The following PCDH11X variants were observed in gnomAD, a reference collection of about 807,000 sequenced individuals.
PCDH11X encodes the protein protocadherin-11 X-linked.
Under a neutral mutation model 53.3 loss-of-function variants are expected in PCDH11X, and 18 were observed. That is an observed-to-expected ratio of 0.34 (90% CI 0.23 to 0.50). PCDH11X has a LOEUF of 0.50. Among genes scored for constraint, PCDH11X ranks in the 20% least tolerant of loss-of-function variants. The probability of loss-of-function intolerance (pLI) is 0.98; values close to 1 mark genes in which losing one functional copy is unlikely to be tolerated. For synonymous variants in PCDH11X, 279 were observed against 393.3 expected (o/e 0.71, Z 3.44); for missense variants, 570 against 1,032.4 (o/e 0.55, Z 6.14).
intron 6 of PCDH11X, among the ~76,000 whole-genome samples, chrX:92,028,269 A>ATT (rs1461800522): frequency 3.7e-5 from 4 of 108,705 alleles, no homozygotes; most frequent in Non-Finnish European, 5.7e-5. Context: ...TGTGGGTAAT[A>ATT]TTATATACTT....
intron 10 of PCDH11X, among the ~76,000 whole-genome samples, chrX:92,611,752 C>A (rs1186160117): frequency 1.9e-5 from 2 of 103,508 alleles, no homozygotes; most frequent in Non-Finnish European, 4.0e-5. Flanking sequence ...AGGTGTGTTC[C>A]TTCAGTGACT....
chrX:92,407,761 T>G (rs1405866834), intron 9 of PCDH11X, among the ~76,000 whole-genome samples: 1 of 111,756 alleles, frequency 8.9e-6, no homozygotes, highest in Non-Finnish European at 1.9e-5. Flanking sequence ...TTTTAGATAT[T>G]GTTAAGCTGC....
intron 6 of PCDH11X, among the ~76,000 whole-genome samples, chrX:92,194,263 G>T (rs909888320): frequency 9.0e-6 from 1 of 111,621 alleles, no homozygotes; most frequent in Non-Finnish European, 1.9e-5. Context: ...ATAAGCAAAC[G>T]TAAATTATTC....
intron 7 of PCDH11X, among the ~76,000 whole-genome samples, chrX:92,236,697 T>G (rs989959692): frequency 8.9e-6 from 1 of 111,945 alleles, no homozygotes; most frequent in Admixed American, 9.5e-5. Context: ...GTGGCCATTC[T>G]TATGCATTAT....
chrX:92,398,581 T>C (rs1245453613), intron 9 of PCDH11X, among the ~76,000 whole-genome samples: 2 of 111,582 alleles, frequency 1.8e-5, no homozygotes, highest in Non-Finnish European at 3.8e-5. Flanking sequence ...GATGCAGATA[T>C]GTTTAATTCT....
intron 6 of PCDH11X, among the ~76,000 whole-genome samples, chrX:91,948,979 A>G: frequency 9.0e-6 from 1 of 110,734 alleles, no homozygotes; most frequent in Non-Finnish European, 1.9e-5. Flanking sequence ...TTCTACAAGG[A>G]TAGAGGGAAA....
At chrX:92,083,801 C>T (rs1318648243) in intron 6 of PCDH11X, among the ~76,000 whole-genome samples, 2 of 111,191 alleles carry the variant, frequency 1.8e-5, no homozygotes, top group African/African-American at 6.5e-5. Context: ...CTATAAAAAG[C>T]ATCTTAGAGC....
At chrX:92,216,057 G>A (rs1266119915) in intron 7 of PCDH11X, among the ~76,000 whole-genome samples, 18 of 109,478 alleles carry the variant, frequency 1.6e-4, no homozygotes, top group African/African-American at 2.3e-4. Context: ...CCATCTGTAT[G>A]TCACCATCAT....
chrX:92,578,604 T>C (rs1208807264), intron 10 of PCDH11X, among the ~76,000 whole-genome samples: 1 of 110,218 alleles, frequency 9.1e-6, no homozygotes, highest in Non-Finnish European at 1.9e-5. Context: ...TGCTTGGTAA[T>C]TTTTTCTCTA....
chrX:91,803,245 A>G (rs1262232807), intron 1 of PCDH11X, among the ~76,000 whole-genome samples: 9 of 111,445 alleles, frequency 8.1e-5, no homozygotes, highest in South Asian at 3.7e-4. Context: ...TATGGATTAT[A>G]GAAACATACG....
At chrX:92,107,167 C>G (rs2064403016) in intron 6 of PCDH11X, among the ~76,000 whole-genome samples, 2 of 111,159 alleles carry the variant, frequency 1.8e-5, no homozygotes, top group Admixed American at 1.9e-4. Flanking sequence ...TTGAGTTAGT[C>G]TGCCCTTCCA....
chrX:92,069,955 G>A, intron 6 of PCDH11X, among the ~76,000 whole-genome samples: 1 of 110,895 alleles, frequency 9.0e-6, no homozygotes, highest in East Asian at 2.8e-4. Context: ...GCGCTAGCCA[G>A]GATTACAGTC....
At chrX:92,136,984 CTTT>C (rs1158660216) in intron 6 of PCDH11X, among the ~76,000 whole-genome samples, 1 of 94,811 alleles carries the variant, frequency 1.1e-5, no homozygotes, top group African/African-American at 3.9e-5. Flanking sequence ...TTTCTTTTTT[CTTT>C]TTTTTTTTTT....
chrX:92,237,576 CTATTAT>C, intron 7 of PCDH11X, among the ~76,000 whole-genome samples: 1 of 111,209 alleles, frequency 9.0e-6, no homozygotes, highest in South Asian at 3.8e-4. Flanking sequence ...AATTTTCTTT[CTATTAT>C]TGTTATAGTC....
chrX:92,475,743 C>T (rs1460928788), intron 10 of PCDH11X, among the ~76,000 whole-genome samples: 2 of 111,659 alleles, frequency 1.8e-5, no homozygotes, highest in African/African-American at 3.3e-5. Flanking sequence ...TGGAAGTTCT[C>T]TTTTATTATT....
chrX:92,165,611 A>G (rs1246717477), intron 6 of PCDH11X, among the ~76,000 whole-genome samples: 1 of 111,637 alleles, frequency 9.0e-6, no homozygotes, highest in Non-Finnish European at 1.9e-5. Context: ...ACAACCCTAC[A>G]TTACTTCTGA....
intron 6 of PCDH11X, among the ~76,000 whole-genome samples, chrX:91,919,816 G>A (rs398122485): frequency 8.9e-6 from 1 of 111,825 alleles, no homozygotes; most frequent in Non-Finnish European, 1.9e-5. Context: ...GTTTGATAAA[G>A]ATTACTTTTA....
At chrX:92,298,516 C>A (rs1310252170) in intron 8 of PCDH11X, among the ~76,000 whole-genome samples, 1 of 111,790 alleles carries the variant, frequency 8.9e-6, no homozygotes, top group Non-Finnish European at 1.9e-5. Flanking sequence ...TGGTGATTAA[C>A]TTTTTTATGT....
intron 6 of PCDH11X, among the ~76,000 whole-genome samples, chrX:91,902,176 G>A (rs1412392803): frequency 9.0e-6 from 1 of 110,752 alleles, no homozygotes; most frequent in Non-Finnish European, 1.9e-5. Context: ...TTTCTCATGT[G>A]TCCTGCTCAA....
Sources: allele counts gnomAD v4.1 joint callset (sites outside exome capture counted in the v4.1 genomes callset), GRCh38; gene constraint gnomAD v4.1.1; transcripts MANE v1.5; gene names NCBI Gene and HGNC (gene_info 2026-07-23, HGNC 2026-07-21).